PARP14: variants seen among roughly 807,000 people sequenced by gnomAD.
The protein encoded by PARP14 is poly(ADP-ribose) polymerase family member 14.
PARP14 carries 59 observed loss-of-function variants against 154.2 expected under a neutral mutation model. The observed-to-expected ratio is 0.38, with a 90% CI of 0.31 to 0.48. PARP14 has a LOEUF of 0.48. PARP14 is among the 20% of genes least tolerant of loss of function. PARP14 has a pLI of 0.98. For synonymous variants in PARP14, 720 were observed against 780.5 expected (o/e 0.92, Z 1.29); for missense variants, 1,734 against 2,131.6 (o/e 0.81, Z 3.67).
Position 122,720,125 on chromosome 3 carries a change from G to A in PARP14, c.4808-130G>A, listed in dbSNP as rs183181491. ...GTCTGTTGTTCATGCTTTGAAAAGC[G>A]TTCTCCTAGAAAGATAAGGAACTCT... is the stretch of plus-strand genomic sequence containing the variant. On this transcript the variant is annotated intron_variant, in intron 14 of 16. Transcript: ENST00000474629. 4,497 of 885,014 alleles carry A rather than the reference G, an allele frequency of 5.1e-3. 24 individuals carry two copies. Among genetic ancestry groups the A allele is most frequent in the Non-Finnish European group, 6.6e-3 (3,895 of 587,592 alleles). 54.8% of individuals were successfully genotyped at this position (885,014 alleles called of 1,614,324 possible). A position where few individuals can be genotyped will look rare whatever the true frequency, so the allele number is the denominator to read the frequency against.
intron 6 of PARP14, among the ~76,000 whole-genome samples, chr3:122,702,734 T>C (rs1939016450): frequency 6.6e-6 from 1 of 151,660 alleles, no homozygotes; most frequent in Non-Finnish European, 1.5e-5. Context: ...AATAATGTTG[T>C]GTCTCATTTT....
At chr3:122,726,868 G>C (rs760251778) in intron 15 of PARP14, among the ~76,000 whole-genome samples, 1 of 133,220 alleles carries the variant, frequency 7.5e-6, no homozygotes, top group Non-Finnish European at 1.6e-5. Flanking sequence ...AAATTTAGCC[G>C]TAGGTAAAGA....
intron 2 of PARP14, 82 bp from the exon 3 acceptor site, chr3:122,686,998 T>C (rs1938394085): frequency 1.1e-6 from 1 of 947,122 alleles, no homozygotes; most frequent in African/African-American, 1.6e-5. Flanking sequence ...ACCCTCCATC[T>C]CCAGGCTGGT....
At chr3:122,698,054 C>G (rs1213155715) in intron 5 of PARP14, among the ~76,000 whole-genome samples, 1 of 152,294 alleles carries the variant, frequency 6.6e-6, no homozygotes, top group East Asian at 1.9e-4. Context: ...ATAATACCAG[C>G]AAAGAGCCTG....
chr3:122,705,856 T>C (rs1939137380), intron 8 of PARP14, among the ~76,000 whole-genome samples: 1 of 152,206 alleles, frequency 6.6e-6, no homozygotes, highest in South Asian at 2.1e-4. Flanking sequence ...AAATATGTGG[T>C]CCATTTACTT....
chr3:122,687,388 G>A (rs1938406115), intron 3 of PARP14, among the ~76,000 whole-genome samples: 1 of 152,202 alleles, frequency 6.6e-6, no homozygotes, highest in South Asian at 2.1e-4. Context: ...AGAGAGCTGG[G>A]GATGAGCTGA....
intron 5 of PARP14, among the ~76,000 whole-genome samples, chr3:122,696,074 A>G (rs962424567): frequency 6.6e-6 from 1 of 152,212 alleles, no homozygotes; most frequent in Non-Finnish European, 1.5e-5. Context: ...CCTTTCACCT[A>G]TTGTATCATC....
At position 122,700,146 on chromosome 3, in the gene PARP14, T is replaced by C; in HGVS notation, c.1592T>C (p.Met531Thr). ...GAAATCCAGGAAAAGGTGTACACCA[T>C]GGCTCAGAAAAACATTCAGGTTTCT... ...KCEIQEKVYT[M>T]AQKNIQVSPE... Residue 531 changes from methionine to threonine, a missense_variant, in exon 6 of 17, where the codon ATG becomes ACG. This residue lies in a region of PARP14 where 1,646 missense variants were observed against 1,976.0 expected (regional missense o/e 0.83). Transcript: ENST00000474629. 6.2e-7 allele frequency: 1 copy of C among 1,613,542 alleles called. No individual in the cohort carries two copies. Among genetic ancestry groups the C allele is most frequent in the Non-Finnish European group, 8.5e-7 (1 of 1,179,646 alleles).
chr3:122,709,083 G>GT (rs1939243518), intron 9 of PARP14, among the ~76,000 whole-genome samples: 1 of 151,946 alleles, frequency 6.6e-6, no homozygotes, highest in South Asian at 2.1e-4. Flanking sequence ...AGTTTTGGGG[G>GT]TACAGGTGGT....
In PARP14 at chr3:122,709,261, A is replaced by G. The variant is rs910082209; in HGVS notation, c.3619+993A>G. Reference sequence around the variant, plus strand: ...CATTATATCACTCTTATGATTTTGCATCCTCATAGCTTAGCTTTCACTTAT... The same window carrying G: ...CATTATATCACTCTTATGATTTTGCGTCCTCATAGCTTAGCTTTCACTTAT... On this transcript the variant is annotated intron_variant, in intron 9 of 16. Transcript: ENST00000474629. Among the ~76,000 whole-genome samples the G allele has an allele frequency of 2.0e-4, 31 of 151,612 alleles. 1 individual carries two copies. The highest frequency in any genetic ancestry group is 4.4e-5 in the Non-Finnish European group (3 of 67,954).
In PARP14 at chr3:122,715,632, A is replaced by G. The variant is rs138553288; in HGVS notation, c.4000+1203A>G. ...TATCTATCTATCTATCTATCTATCT[A>G]TCTATCTATCTATCTATCTATCGAT... On this transcript the variant is annotated intron_variant, in intron 12 of 16. Transcript: ENST00000474629. Among the ~76,000 whole-genome samples, 12 of 148,628 alleles carry G rather than the reference A, an allele frequency of 8.1e-5. No individual in the cohort carries two copies. The East Asian group carries it at 2.0e-3, about 25-fold the overall frequency.
At chr3:122,690,665 C>T (rs1447230089) in intron 3 of PARP14, among the ~76,000 whole-genome samples, 1 of 152,194 alleles carries the variant, frequency 6.6e-6, no homozygotes, top group Non-Finnish European at 1.5e-5. Flanking sequence ...GCGTGTGTTA[C>T]CACACTCGGC....
chr3:122,709,830 G>A (rs758405403), intron 9 of PARP14, among the ~76,000 whole-genome samples: 1 of 150,402 alleles, frequency 6.6e-6, no homozygotes, highest in African/African-American at 2.4e-5. Context: ...TTGGCTGTTT[G>A]TATACCTTCT....
At chr3:122,698,108 C>T (rs1324572776) in intron 5 of PARP14, among the ~76,000 whole-genome samples, 1 of 152,160 alleles carries the variant, frequency 6.6e-6, no homozygotes, top group Non-Finnish European at 1.5e-5. Context: ...AAATACTGCC[C>T]AGGCTCAGGG....
At chr3:122,707,575 C>G (rs1939199063) in intron 8 of PARP14, among the ~76,000 whole-genome samples, 1 of 152,038 alleles carries the variant, frequency 6.6e-6, no homozygotes, top group Admixed American at 6.6e-5. Flanking sequence ...AAGTTCAAGA[C>G]CAGCTTGAGC....
At position 122,685,169 on chromosome 3, in the gene PARP14, C is replaced by A. The variant is rs766837625; in HGVS notation, c.188-16C>A. 8.7e-6 allele frequency: 14 copies of A among 1,612,542 alleles called. No homozygotes were observed. The East Asian group carries it at 2.9e-4, about 33-fold the overall frequency. On this transcript the variant is annotated splice_polypyrimidine_tract_variant and intron_variant, in intron 1 of 16. Transcript: ENST00000474629. ...TGCTTGTCATTTGTCTTTTTTCCCC[C>A]CTTTGGACATTTCAGTTCGGCAGAA...
intron 9 of PARP14, among the ~76,000 whole-genome samples, chr3:122,708,746 C>T (rs538465053): frequency 6.6e-6 from 1 of 152,130 alleles, no homozygotes; most frequent in Non-Finnish European, 1.5e-5. Flanking sequence ...ATATCTCCTT[C>T]TGTTTTCCAA....
intron 8 of PARP14, 40 bp downstream of exon 8, chr3:122,704,788 A>T: frequency 8.8e-7 from 1 of 1,140,656 alleles, no homozygotes; most frequent in South Asian, 1.4e-5. Flanking sequence ...GGCAACTGAG[A>T]CCTAGTGTTT....
chr3:122,712,007 A>C (rs1407917123), intron 9 of PARP14, among the ~76,000 whole-genome samples: 1 of 151,914 alleles, frequency 6.6e-6, no homozygotes, highest in African/African-American at 2.4e-5. Flanking sequence ...ATGGTCTATG[A>C]ATTTTCTTTA....
Sources: gnomAD v4.1 joint callset for allele counts (sites outside exome capture counted in the v4.1 genomes callset) on GRCh38, gnomAD v4.1.1 for gene constraint, gnomAD v4.1.1 regional missense constraint, MANE v1.5 for transcripts, NCBI Gene and HGNC (gene_info 2026-07-23, HGNC 2026-07-21) for gene names.